The following SRGAP3 variants were observed in gnomAD, a reference collection of about 807,000 sequenced individuals.
SRGAP3 encodes SLIT-ROBO Rho GTPase activating protein 3.
SRGAP3 carries 39 observed loss-of-function variants against 121.1 expected under a neutral mutation model. The observed-to-expected ratio is 0.32, with a 90% CI of 0.25 to 0.42. The LOEUF (loss-of-function observed/expected upper bound fraction) is 0.42, where lower values mean the gene tolerates loss of function less well. SRGAP3 is among the 10% of genes least tolerant of loss of function. The pLI is 1.00. For synonymous variants in SRGAP3, 601 were observed against 570.0 expected (o/e 1.05, Z -0.77); for missense variants, 1,213 against 1,470.6 (o/e 0.82, Z 2.86).
chr3:9,207,849 A>G (rs899999960), intron 1 of SRGAP3, among the ~76,000 whole-genome samples: 3 of 152,184 alleles, frequency 2.0e-5, no homozygotes, highest in Non-Finnish European at 4.4e-5. Context: ...ATGTCCTTCA[A>G]TCCTGACGAG....
Position 8,985,259 on chromosome 3 carries a change from T to C in SRGAP3, c.*260A>G, listed in dbSNP as rs1196733309. ...GCCATGTGGTATTTTGCCTCCATGT[T>C]AGGGAATGCTGTGGTTGGGGCTGCT... On this transcript the variant is annotated 3_prime_UTR_variant, in exon 22 of 22. Transcript: ENST00000383836. The surrounding 1 kb of genome is among the most constrained non-coding windows in gnomAD (Gnocchi z 5.1). 1 of 651,690 alleles carries C rather than the reference T, an allele frequency of 1.5e-6. No homozygotes were observed. Among genetic ancestry groups the C allele is most frequent in the African/African-American group, 1.9e-5 (1 of 53,808 alleles). 40.4% of individuals were successfully genotyped at this position (651,690 alleles called of 1,614,324 possible). A position where few individuals can be genotyped will look rare whatever the true frequency, so the allele number is the denominator to read the frequency against.
intron 4 of SRGAP3, among the ~76,000 whole-genome samples, chr3:9,078,648 A>G (rs1359765513): frequency 6.6e-6 from 1 of 152,130 alleles, no homozygotes; most frequent in Non-Finnish European, 1.5e-5. Context: ...AGGTACTAGT[A>G]TTTCTACTTA....
intron 3 of SRGAP3, among the ~76,000 whole-genome samples, chr3:9,288,748 A>G (rs1165900303): frequency 2.0e-5 from 3 of 149,572 alleles, no homozygotes; most frequent in Non-Finnish European, 3.0e-5. Flanking sequence ...TAATTTTTTA[A>G]ATTTTTTGTA....
chr3:9,288,298 T>C (rs889567830), intron 3 of SRGAP3, among the ~76,000 whole-genome samples: 1 of 151,594 alleles, frequency 6.6e-6, no homozygotes, highest in African/African-American at 2.4e-5. Flanking sequence ...CCACCACACC[T>C]GGCTAATTTT....
At chr3:9,021,049 T>C (rs944051234) in intron 14 of SRGAP3, among the ~76,000 whole-genome samples, 3 of 152,226 alleles carry the variant, frequency 2.0e-5, no homozygotes, top group African/African-American at 7.2e-5. Flanking sequence ...TCAGTCTCTC[T>C]CATGAGGGCA....
chr3:9,354,529 A>G (rs1297609271), intron 1 of SRGAP3, among the ~76,000 whole-genome samples: 1 of 152,012 alleles, frequency 6.6e-6, no homozygotes, highest in South Asian at 2.1e-4. Flanking sequence ...AAACACAAAA[A>G]AAATTAGCCG....
At chr3:9,309,115 A>C (rs1955202648) in intron 3 of SRGAP3, among the ~76,000 whole-genome samples, 1 of 152,188 alleles carries the variant, frequency 6.6e-6, no homozygotes, top group African/African-American at 2.4e-5. Flanking sequence ...TTGGGGACTC[A>C]CTTGCTGTGT....
intron 8 of SRGAP3, among the ~76,000 whole-genome samples, chr3:9,054,695 T>C (rs1945735186): frequency 6.6e-6 from 1 of 152,228 alleles, no homozygotes; most frequent in Non-Finnish European, 1.5e-5. Flanking sequence ...AGAGTTTGAC[T>C]CTCTTTGTCA....
chr3:9,125,260 T>TA (rs1949180461), intron 1 of SRGAP3, among the ~76,000 whole-genome samples: 1 of 152,200 alleles, frequency 6.6e-6, no homozygotes. Flanking sequence ...TGATCTTGCT[T>TA]AAAATGCAAA....
chr3:9,070,838 T>G (rs1428900526), intron 4 of SRGAP3, among the ~76,000 whole-genome samples: 1 of 152,168 alleles, frequency 6.6e-6, no homozygotes, highest in Non-Finnish European at 1.5e-5. Context: ...GTGGAAGACA[T>G]GCAGGTCGCC....
chr3:9,032,525 C>T, intron 12 of SRGAP3, 125 bp downstream of exon 12: 1 of 852,612 alleles, frequency 1.2e-6, no homozygotes, highest in African/African-American at 1.7e-5. Flanking sequence ...GAGCAGGCTG[C>T]AGTGAGGAAC....
At chr3:9,203,130 C>T (rs912360573) in intron 1 of SRGAP3, among the ~76,000 whole-genome samples, 42 of 152,306 alleles carry the variant, frequency 2.8e-4, no homozygotes, top group Admixed American at 7.2e-4. Context: ...GTCTGTTTCT[C>T]GGGAATCGGG....
At chr3:9,209,494 G>A (rs934060584) in intron 1 of SRGAP3, among the ~76,000 whole-genome samples, 1 of 152,110 alleles carries the variant, frequency 6.6e-6, no homozygotes. Context: ...TATTAATTCC[G>A]GCCCATATTG....
At chr3:9,071,466 G>A (rs1270481579) in intron 4 of SRGAP3, among the ~76,000 whole-genome samples, 1 of 152,174 alleles carries the variant, frequency 6.6e-6, no homozygotes, top group African/African-American at 2.4e-5. Flanking sequence ...GGCTTCACTG[G>A]AAACACTGGG....
intron 3 of SRGAP3, among the ~76,000 whole-genome samples, chr3:9,270,127 TA>T (rs1954444216): frequency 6.6e-6 from 1 of 152,096 alleles, no homozygotes. Context: ...AGAACCACTG[TA>T]AGAAAATATA....
intron 18 of SRGAP3, among the ~76,000 whole-genome samples, chr3:9,009,896 A>G (rs1533000): frequency 0.25 from 38,328 of 152,064 alleles, 4,997 homozygotes; most frequent in African/African-American, 0.3. Context: ...GGAGTTCCTC[A>G]AGGACCGACG....
rs79515612 is a variant in SRGAP3, at chr3:9,315,555, A to G, written n.442+10455T>C. Reference sequence around the variant, plus strand: ...TAATGGCTGCTGGGGATGGGAGACAATAACCTCTTACGTGAAGTTTATAGT... The same window carrying G: ...TAATGGCTGCTGGGGATGGGAGACAGTAACCTCTTACGTGAAGTTTATAGT... On this transcript the variant is annotated intron_variant and non_coding_transcript_variant, in intron 3 of 3. Transcript: ENST00000490889. Among the ~76,000 whole-genome samples the G allele has an allele frequency of 8.9e-3, 1,360 of 152,346 alleles. 14 individuals are homozygous for G. Among genetic ancestry groups the G allele is most frequent in the African/African-American group, 0.029 (1,198 of 41,574 alleles).
At chr3:9,174,463 G>A (rs1951101965) in intron 1 of SRGAP3, among the ~76,000 whole-genome samples, 1 of 152,206 alleles carries the variant, frequency 6.6e-6, no homozygotes, top group Non-Finnish European at 1.5e-5. Context: ...GAGAAAGCAA[G>A]GTGGAGGGAG....
At chr3:9,122,604 G>A (rs945093792) in intron 2 of SRGAP3, among the ~76,000 whole-genome samples, 3 of 151,816 alleles carry the variant, frequency 2.0e-5, no homozygotes, top group Admixed American at 1.3e-4. Context: ...AGCTACTTGG[G>A]AGGCTGAGGC....
Sources: gnomAD v4.1 joint callset for allele counts (sites outside exome capture counted in the v4.1 genomes callset) on GRCh38, gnomAD v4.1.1 for gene constraint, Gnocchi (gnomAD v3.1) non-coding constraint, MANE v1.5 for transcripts, NCBI Gene and HGNC (gene_info 2026-07-23, HGNC 2026-07-21) for gene names.